The following ASTN1 variants were observed in gnomAD, a reference collection of about 807,000 sequenced individuals.
The protein encoded by ASTN1 is astrotactin-1.
Under a neutral mutation model 140.7 loss-of-function variants are expected in ASTN1, and 41 were observed. The observed-to-expected ratio is 0.29, with a 90% CI of 0.23 to 0.38. ASTN1 has a LOEUF of 0.38. ASTN1 is among the 10% of genes least tolerant of loss of function. The pLI is 1.00. For missense variants in ASTN1, 1,479 were observed against 1,678.8 expected, an observed-to-expected ratio of 0.88 and a Z score of 2.08; for synonymous variants, 640 against 652.2, an observed-to-expected ratio of 0.98 and a Z score of 0.29.
intron 1 of ASTN1, among the ~76,000 whole-genome samples, chr1:177,129,650 C>T (rs1681845836): frequency 6.6e-6 from 1 of 152,216 alleles, no homozygotes; most frequent in Non-Finnish European, 1.5e-5. Context: ...ATATTCTCTT[C>T]CTTGCATTCC....
At chr1:176,875,101 T>C (rs769730195) in intron 21 of ASTN1, among the ~76,000 whole-genome samples, 1 of 152,180 alleles carries the variant, frequency 6.6e-6, no homozygotes, top group Admixed American at 6.5e-5. Flanking sequence ...TGAGGATACC[T>C]TATTATGGCT....
chr1:176,940,572 CT>C (rs1671673820), intron 14 of ASTN1, among the ~76,000 whole-genome samples: 1 of 152,198 alleles, frequency 6.6e-6, no homozygotes, highest in Non-Finnish European at 1.5e-5. Flanking sequence ...CTCTCTAAAG[CT>C]TTTCCACTCC....
chr1:177,037,544 T>G (rs1676779425), intron 2 of ASTN1, among the ~76,000 whole-genome samples: 1 of 152,264 alleles, frequency 6.6e-6, no homozygotes, highest in Admixed American at 6.5e-5. Flanking sequence ...TTCATTTATT[T>G]GTGTTAGCTC....
At chr1:177,065,483 T>C (rs1001642096) in intron 1 of ASTN1, among the ~76,000 whole-genome samples, 3 of 152,176 alleles carry the variant, frequency 2.0e-5, no homozygotes, top group Admixed American at 1.3e-4. Context: ...GACATGATCA[T>C]GAAGAAGTAC....
At chr1:177,097,510 C>G (rs537716902) in intron 1 of ASTN1, among the ~76,000 whole-genome samples, 1 of 152,086 alleles carries the variant, frequency 6.6e-6, no homozygotes, top group South Asian at 2.1e-4. Context: ...AATAGTACTA[C>G]GATATCATGA....
chr1:176,918,108 C>G (rs1670567434), intron 16 of ASTN1, among the ~76,000 whole-genome samples: 1 of 152,106 alleles, frequency 6.6e-6, no homozygotes, highest in African/African-American at 2.4e-5. Context: ...TTTGTCATTG[C>G]AGCCCTCCTG....
intron 2 of ASTN1, among the ~76,000 whole-genome samples, chr1:177,042,761 A>G (rs1677037085): frequency 6.6e-6 from 1 of 152,228 alleles, no homozygotes; most frequent in South Asian, 2.1e-4. Context: ...ACTGACATTA[A>G]TGATGTTGTT....
At chr1:177,048,427 T>C (rs1264495233) in intron 2 of ASTN1, among the ~76,000 whole-genome samples, 2 of 152,162 alleles carry the variant, frequency 1.3e-5, no homozygotes, top group East Asian at 1.9e-4. Flanking sequence ...TAAATACTTT[T>C]TCCCCCTTAA....
intron 11 of ASTN1, among the ~76,000 whole-genome samples, chr1:176,950,405 C>A (rs1226397843): frequency 6.6e-6 from 1 of 152,176 alleles, no homozygotes; most frequent in Admixed American, 6.5e-5. Flanking sequence ...TTAGCACACA[C>A]CACACTTAAC....
Position 176,894,617 on chromosome 1 carries a change from T to A in ASTN1, c.2885A>T (p.Glu962Val), listed in dbSNP as rs543065232. The A allele has an allele frequency of 4.5e-5, 72 of 1,613,946 alleles. No individual in the cohort carries two copies. The Admixed American group carries it at 9.2e-4, about 21-fold the overall frequency. ...PDTPAEPVLLEVTKAAPIYEL... is the reference protein window; with the variant it reads ...PDTPAEPVLLVVTKAAPIYEL... ...ATAGATGGGGGCTGCTTTGGTCACC[T>A]CCAGCAGAACCGGCTCAGCAGGGGT... Residue 962 changes from glutamate (E) to valine (V), a missense_variant, in exon 17 of 23, where the codon GAG becomes GTG. Glu to Val is a moderately radical substitution (Grantham distance 121). Around this residue, in one of 3 missense-constraint regions of ASTN1, gnomAD observed 746 missense variants for 800.9 expected, o/e 0.93. Coordinates refer to ENST00000361833, the MANE Select transcript of ASTN1 (RefSeq NM_004319.3).
intron 16 of ASTN1, among the ~76,000 whole-genome samples, chr1:176,912,283 C>A (rs1225190682): frequency 9.9e-5 from 15 of 152,130 alleles, no homozygotes. Flanking sequence ...CTCAACTGTG[C>A]CTTTGTAGTG....
At chr1:177,133,946 TG>T (rs1682055027) in intron 1 of ASTN1, among the ~76,000 whole-genome samples, 1 of 152,218 alleles carries the variant, frequency 6.6e-6, no homozygotes, top group Non-Finnish European at 1.5e-5. Context: ...ATGTATCAGA[TG>T]CTAAGGAAAC....
intron 8 of ASTN1, among the ~76,000 whole-genome samples, chr1:176,993,199 C>T (rs1350536287): frequency 6.6e-6 from 1 of 152,188 alleles, no homozygotes; most frequent in Non-Finnish European, 1.5e-5. Context: ...GCAGGCTGAG[C>T]TGACTACTAC....
intron 1 of ASTN1, among the ~76,000 whole-genome samples, chr1:177,094,604 C>A (rs1016866261): frequency 9.2e-5 from 14 of 152,164 alleles, no homozygotes; most frequent in African/African-American, 2.9e-4. Flanking sequence ...CTGTGAGAAG[C>A]AAATTTCTGT....
chr1:177,113,857 A>G (rs1326041650), intron 1 of ASTN1, among the ~76,000 whole-genome samples: 1 of 152,222 alleles, frequency 6.6e-6, no homozygotes, highest in Non-Finnish European at 1.5e-5. Flanking sequence ...ACAGAAACCT[A>G]AGAGAAAGAG....
intron 16 of ASTN1, among the ~76,000 whole-genome samples, chr1:176,900,497 T>A (rs1669721533): frequency 6.6e-6 from 1 of 152,142 alleles, no homozygotes; most frequent in Non-Finnish European, 1.5e-5. Flanking sequence ...ACTAATCTTA[T>A]GAAATTTACA....
rs938057043 is a variant in ASTN1, at chr1:177,050,126, C to T, written c.471+10952G>A. Among the ~76,000 whole-genome samples the T allele has an allele frequency of 2.0e-5, 3 of 152,320 alleles. No individual in the cohort carries two copies. In the South Asian group the frequency reaches 6.2e-4, roughly 32 times the overall value. The stretch of plus-strand genomic sequence containing the variant: ...CCAAATCATGAAATGTTCACTCTTA[C>T]AAATCCCAAGGGCCTATATATCTAA... On this transcript the variant is annotated intron_variant, in intron 2 of 22. Coordinates refer to ENST00000361833, the MANE Select transcript of ASTN1 (RefSeq NM_004319.3).
intron 8 of ASTN1, among the ~76,000 whole-genome samples, chr1:176,980,074 A>C (rs1673542254): frequency 6.6e-6 from 1 of 152,204 alleles, no homozygotes; most frequent in Non-Finnish European, 1.5e-5. Context: ...CATTTGAATA[A>C]GGGATAGAGG....
At chr1:176,990,478 A>C (rs952908928) in intron 8 of ASTN1, among the ~76,000 whole-genome samples, 1 of 151,958 alleles carries the variant, frequency 6.6e-6, no homozygotes, top group Non-Finnish European at 1.5e-5. Context: ...ATGGGGGAGA[A>C]TAAGTAGAGA....
Sources: allele counts gnomAD v4.1 joint callset (sites outside exome capture counted in the v4.1 genomes callset), GRCh38; gene constraint gnomAD v4.1.1; regional missense constraint gnomAD v4.1.1; transcripts MANE v1.5; gene names NCBI Gene and HGNC (gene_info 2026-07-23, HGNC 2026-07-21).